Variants in ZSCAN25 observed in about 807,000 individuals in gnomAD.
ZSCAN25 encodes zinc finger and SCAN domain containing 25.
ZSCAN25 carries 27 observed loss-of-function variants against 38.7 expected under a neutral mutation model. The ratio of observed to expected loss-of-function variants is 0.70; its 90% CI spans 0.51 to 0.96. ZSCAN25 has a LOEUF of 0.96. ZSCAN25 is among the 40% of genes least tolerant of loss of function. The pLI is 0.00. For synonymous variants in ZSCAN25, 273 were observed against 277.7 expected (o/e 0.98, Z 0.17); for missense variants, 637 against 705.9 (o/e 0.90, Z 1.11).
At chr7:99,685,336 A>G in the ZSCAN25 span, 3 of 1,476,100 alleles carry the variant, frequency 2.0e-6, no homozygotes, top group Non-Finnish European at 2.8e-6. Context: ...CTATGCACAT[A>G]GTTTGTGACC....
Position 99,630,965 on chromosome 7 carries a change from C to T in ZSCAN25, c.*945C>T. On this transcript the variant is annotated 3_prime_UTR_variant, in exon 8 of 8. Coordinates refer to ENST00000394152, the MANE Select transcript of ZSCAN25 (RefSeq NM_145115.3). ...TTATAGTTCATAAAATTAATTTCAC[C>T]CCATTCTCATTGGACCCATTTCCCA... is the stretch of plus-strand genomic sequence containing the variant. 6 of 950,088 alleles carry T rather than the reference C, an allele frequency of 6.3e-6. No individual in the cohort carries two copies. The highest frequency in any genetic ancestry group is 7.5e-6 in the Non-Finnish European group (6 of 797,892). The allele number at this position is 950,088 out of a possible 1,614,324, so 58.9% of individuals were successfully genotyped here. A position where few individuals can be genotyped will look rare whatever the true frequency, so the allele number is the denominator to read the frequency against.
chr7:99,676,685 C>T, the ZSCAN25 span: 3 of 601,930 alleles, frequency 5.0e-6, no homozygotes. Flanking sequence ...GGTGACACTG[C>T]CCTTACAATT....
chr7:99,678,775 A>C, the ZSCAN25 span, among the ~76,000 whole-genome samples: 1 of 152,272 alleles, frequency 6.6e-6, no homozygotes, highest in Non-Finnish European at 1.5e-5. Flanking sequence ...CTTTCTGTGA[A>C]AGAATTAAAA....
chr7:99,631,829 T>C lies in ZSCAN25; in HGVS notation c.*1809T>C. 1 of 985,454 alleles carries C rather than the reference T, an allele frequency of 1.0e-6. No homozygotes were observed. 61.0% of individuals were successfully genotyped at this position (985,454 alleles called of 1,614,324 possible). A position where few individuals can be genotyped will look rare whatever the true frequency, so the allele number is the denominator to read the frequency against. On this transcript the variant is annotated 3_prime_UTR_variant, in exon 8 of 8. Coordinates refer to ENST00000394152, the MANE Select transcript of ZSCAN25 (RefSeq NM_145115.3). ...GCACTGACTGGGTCGTAAATGTATC[T>C]GAGATGTCCACACGGGGCTGCTGCT...
the ZSCAN25 span, among the ~76,000 whole-genome samples, chr7:99,735,669 A>C: frequency 6.6e-5 from 10 of 151,878 alleles, no homozygotes; most frequent in Non-Finnish European, 8.8e-5. Flanking sequence ...AGAAGTAACC[A>C]TTTCCTCCCC....
At chr7:99,684,232 C>T in the ZSCAN25 span, among the ~76,000 whole-genome samples, 1,208 of 145,442 alleles carry the variant, frequency 8.3e-3, 9 homozygotes, top group Middle Eastern at 0.015. Flanking sequence ...TGTAATGGTG[C>T]GTCTCGGCTC....
chr7:99,674,904 G>A, the ZSCAN25 span, among the ~76,000 whole-genome samples: 8 of 152,190 alleles, frequency 5.3e-5, no homozygotes, highest in Non-Finnish European at 2.9e-5. Flanking sequence ...TCCTAACCCC[G>A]TGAATGATCA....
At chr7:99,644,018 G>A in the ZSCAN25 span, among the ~76,000 whole-genome samples, 11 of 152,022 alleles carry the variant, frequency 7.2e-5, no homozygotes, top group African/African-American at 2.4e-4. Context: ...TTCTTTGGAT[G>A]GGATCAGGAT....
the ZSCAN25 span, among the ~76,000 whole-genome samples, chr7:99,679,003 T>G: frequency 9.8e-5 from 15 of 152,300 alleles, 1 homozygote; most frequent in South Asian, 2.9e-3. Context: ...AAATCCAAAT[T>G]GGCTTTCATG....
chr7:99,689,363 C>T, the ZSCAN25 span, among the ~76,000 whole-genome samples: 5 of 152,168 alleles, frequency 3.3e-5, no homozygotes, highest in African/African-American at 1.2e-4. Context: ...GAAATACAAA[C>T]TACCATCAGA....
At position 99,629,470 on chromosome 7, in the gene ZSCAN25, A is replaced by G. The variant is rs199783191; in HGVS notation, c.1085A>G (p.Asn362Ser). The change falls in exon 8 of 8, where the codon AAT (asparagine) becomes AGT (serine). Residue 362 changes from asparagine (N) to serine (S), a missense_variant. Transcript: ENST00000394152. The surrounding 1 kb of genome is among the most constrained non-coding windows in gnomAD (Gnocchi z 5.6). ...ECGKGFSRSSNLVRHQRTHEE... is the reference protein window; with the variant it reads ...ECGKGFSRSSSLVRHQRTHEE... ...GGGAAAGGATTCAGTCGGAGCTCCA[A>G]TCTCGTCAGGCACCAGCGAACCCAC... The G allele has an allele frequency of 2.1e-5, 34 of 1,614,164 alleles. 1 individual carries two copies. Among genetic ancestry groups the G allele is most frequent in the African/African-American group, 2.0e-4 (15 of 75,036 alleles).
chr7:99,718,685 G>A, the ZSCAN25 span, among the ~76,000 whole-genome samples: 5 of 151,910 alleles, frequency 3.3e-5, no homozygotes, highest in Non-Finnish European at 5.9e-5. Flanking sequence ...GAATTAAAAG[G>A]CATACAGATT....
chr7:99,712,573 G>A, the ZSCAN25 span, among the ~76,000 whole-genome samples: 2 of 152,158 alleles, frequency 1.3e-5, no homozygotes, highest in African/African-American at 4.8e-5. Context: ...CTTTATCACA[G>A]CAAGTTGTAT....
At chr7:99,665,598 A>G in the ZSCAN25 span, among the ~76,000 whole-genome samples, 1 of 152,224 alleles carries the variant, frequency 6.6e-6, no homozygotes, top group African/African-American at 2.4e-5. Flanking sequence ...ATTATCAGAC[A>G]ACTACAGTAG....
At chr7:99,692,771 G>C in the ZSCAN25 span, among the ~76,000 whole-genome samples, 1 of 152,174 alleles carries the variant, frequency 6.6e-6, no homozygotes, top group African/African-American at 2.4e-5. Context: ...TCTTGACACT[G>C]TTTATTTTAG....
At chr7:99,641,028 C>T in the ZSCAN25 span, among the ~76,000 whole-genome samples, 1 of 152,230 alleles carries the variant, frequency 6.6e-6, no homozygotes, top group Admixed American at 6.5e-5. Context: ...CCTTCCTAGT[C>T]AAAAAGTGCA....
chr7:99,726,410 G>A, the ZSCAN25 span, among the ~76,000 whole-genome samples: 73 of 152,236 alleles, frequency 4.8e-4, 1 homozygote, highest in African/African-American at 1.4e-3. Flanking sequence ...CAGGATCTGC[G>A]CCTTATCAAC....
At chr7:99,662,828 C>A in the ZSCAN25 span, 4 of 1,613,978 alleles carry the variant, frequency 2.5e-6, no homozygotes, top group Admixed American at 6.7e-5. The surrounding 1 kb of genome is among the most constrained non-coding windows in gnomAD (Gnocchi z 4.3). Flanking sequence ...TTGTGGGACT[C>A]AGTTTCTTTC....
chr7:99,624,865 C>T (rs1807334110), intron 7 of ZSCAN25, among the ~76,000 whole-genome samples: 1 of 152,150 alleles, frequency 6.6e-6, no homozygotes, highest in East Asian at 1.9e-4. Context: ...GGGCAAGGGA[C>T]AGTATGGAGA....
Sources: allele counts gnomAD v4.1 joint callset (sites outside exome capture counted in the v4.1 genomes callset), GRCh38; gene constraint gnomAD v4.1.1; non-coding constraint Gnocchi (gnomAD v3.1); transcripts MANE v1.5; gene names NCBI Gene and HGNC (gene_info 2026-07-23, HGNC 2026-07-21).